Variants in CD1D observed in about 807,000 individuals in gnomAD.
CD1D encodes the protein antigen-presenting glycoprotein CD1d.
In CD1D, 40 loss-of-function variants were observed where a neutral mutation model predicts 42.1. That is an observed-to-expected ratio of 0.95 (90% CI 0.74 to 1.24). The LOEUF (loss-of-function observed/expected upper bound fraction) is 1.24. Among genes scored for constraint, CD1D ranks in the 50% most tolerant of loss-of-function variants. The pLI, the probability that CD1D is intolerant of heterozygous loss-of-function variation, is 0.00. For synonymous variants in CD1D, 178 were observed against 171.8 expected (o/e 1.04, Z -0.28); for missense variants, 437 against 416.5 (o/e 1.05, Z -0.43).
rs984198280 is a variant in CD1D at position 158,184,849 on chromosome 1, C to A, written c.*699C>A. 1 of 152,114 alleles carries A rather than the reference C, an allele frequency of 6.6e-6. No individual in the cohort carries two copies. Among genetic ancestry groups the A allele is most frequent in the Non-Finnish European group, 1.5e-5 (1 of 68,042 alleles). 9.4% of individuals were successfully genotyped at this position (152,114 alleles called of 1,614,324 possible). ...AAAGTTAGGTTATAAGAAACAGAGG[C>A]GTCTCACATTTTTACTTGGTGTAAT... On this transcript the variant is annotated 3_prime_UTR_variant, in exon 6 of 6. Coordinates refer to ENST00000674085, the MANE Select transcript of CD1D (RefSeq NM_001371762.2).
At position 158,180,895 on chromosome 1, in the gene CD1D, G is replaced by C. The variant is rs1471896462; in HGVS notation, c.-207G>C. 9.0e-6 allele frequency: 4 copies of C among 442,520 alleles called. No homozygotes were observed. Among genetic ancestry groups the C allele is most frequent in the Non-Finnish European group, 1.6e-5 (4 of 251,458 alleles). The allele number at this position is 442,520 out of a possible 1,614,324, so 27.4% of individuals were successfully genotyped here. A position where few individuals can be genotyped will look rare whatever the true frequency, so the allele number is the denominator to read the frequency against. On this transcript the variant is annotated 5_prime_UTR_variant, in exon 1 of 6. Coordinates refer to ENST00000674085, the MANE Select transcript of CD1D (RefSeq NM_001371762.2). ...GGATTCCTGGGACCCCGACCTCTTTGCAGCTCGCACAGCTAAGGGCGAGGG... is the reference window on the plus strand; with the variant it reads ...GGATTCCTGGGACCCCGACCTCTTTCCAGCTCGCACAGCTAAGGGCGAGGG...
Position 158,185,403 on chromosome 1 carries a change from A to G in CD1D, c.*1253A>G, listed in dbSNP as rs147056190. ...GTGCGTGAAGATTCTGCTAGCTTCA[A>G]CATATCCCAAAGCACTTGGATATGC... On this transcript the variant is annotated 3_prime_UTR_variant, in exon 6 of 6. Transcript: ENST00000674085. 3.6e-4 allele frequency among the ~76,000 whole-genome samples: 55 copies of G among 152,294 alleles called. No homozygotes were observed. The highest frequency in any genetic ancestry group is 7.2e-4 in the Non-Finnish European group (49 of 68,006).
intron 2 of CD1D, 93 bp downstream of exon 2, chr1:158,181,814 T>G: frequency 6.7e-7 from 1 of 1,492,850 alleles, no homozygotes; most frequent in South Asian, 1.2e-5. Flanking sequence ...CCTGATGAGA[T>G]TCTCTGCTCT....
At position 158,181,099 on chromosome 1, in the gene CD1D, G is replaced by T; in HGVS notation, c.-3G>T. On this transcript the variant is annotated 5_prime_UTR_variant, in exon 1 of 6. Coordinates refer to ENST00000674085, the MANE Select transcript of CD1D (RefSeq NM_001371762.2). ...GCTCCGCGAGGTCCCCACGCCGGGCGATATGGGGTGCCTGCTGTTTCTGCT... is the reference window on the plus strand; with the variant it reads ...GCTCCGCGAGGTCCCCACGCCGGGCTATATGGGGTGCCTGCTGTTTCTGCT... 1.9e-6 allele frequency: 3 copies of T among 1,546,748 alleles called. No individual in the cohort carries two copies. The highest frequency in any genetic ancestry group is 2.6e-6 in the Non-Finnish European group (3 of 1,145,332).
Position 158,184,433 on chromosome 1 carries a change from C to T in CD1D, c.*283C>T, listed in dbSNP as rs988824297. ...AGGTGTGCAAACTTGTATCTGAAGA[C>T]CTACCAGGGACAAGCAGGTAAGAGC... is the stretch of plus-strand genomic sequence containing the variant. On this transcript the variant is annotated 3_prime_UTR_variant, in exon 6 of 6. Transcript: ENST00000674085. 1 of 506,222 alleles carries T rather than the reference C, an allele frequency of 2.0e-6. No homozygotes were observed. Among genetic ancestry groups the T allele is most frequent in the African/African-American group, 1.9e-5 (1 of 51,908 alleles). 31.4% of individuals were successfully genotyped at this position (506,222 alleles called of 1,614,324 possible).
rs963143790 is a variant in CD1D, at chr1:158,180,932, A to G, written c.-170A>G. 1.9e-5 allele frequency: 10 copies of G among 535,356 alleles called. No individual in the cohort carries two copies. The highest frequency in any genetic ancestry group is 3.1e-5 in the Non-Finnish European group (10 of 321,102). The allele number at this position is 535,356 out of a possible 1,614,324, so 33.2% of individuals were successfully genotyped here. The stretch of plus-strand genomic sequence containing the variant: ...GCTAAGGGCGAGGGCGCCCTTCGGC[A>G]GAAGCAGCAAACCGCCGGCAAGCCC... On this transcript the variant is annotated 5_prime_UTR_variant, in exon 1 of 6. Transcript: ENST00000674085.
At chr1:158,182,544 C>T (rs1392955007) in intron 3 of CD1D, 1 of 607,276 alleles carries the variant, frequency 1.6e-6, no homozygotes, top group African/African-American at 1.9e-5. Flanking sequence ...AGTTAGGATC[C>T]CTGCTTGGTA....
At position 158,186,119 on chromosome 1, in the gene CD1D, A is replaced by G. The variant is rs1308733865; in HGVS notation, c.*1969A>G. Among the ~76,000 whole-genome samples the G allele has an allele frequency of 1.3e-5, 2 of 152,162 alleles. No homozygotes were observed. The highest frequency in any genetic ancestry group is 1.5e-5 in the Non-Finnish European group (1 of 68,040). ...CCTCCTGTGCCAAAGGAGGATAATA[A>G]TTATCTATTATTGATTATCTCCTAG... is the stretch of plus-strand genomic sequence containing the variant. On this transcript the variant is annotated 3_prime_UTR_variant, in exon 6 of 6. Coordinates refer to ENST00000674085, the MANE Select transcript of CD1D (RefSeq NM_001371762.2).
In CD1D at chr1:158,182,272, G is replaced by A. The variant is rs747224165; in HGVS notation, c.569G>A (p.Gly190Asp). The A allele has an allele frequency of 1.2e-6, 2 of 1,614,120 alleles. No homozygotes were observed. Among genetic ancestry groups the A allele is most frequent in the Non-Finnish European group, 1.7e-6 (2 of 1,180,010 alleles). Residue 190 changes from glycine (G) to aspartate (D), a missense_variant, in exon 3 of 6, where the codon GGC (glycine) becomes GAC (aspartate). Coordinates refer to ENST00000674085, the MANE Select transcript of CD1D (RefSeq NM_001371762.2). ...LNGTCPQFVS[G>D]LLESGKSELK... Reference sequence around the variant, plus strand: ...GGCACCTGCCCCCAATTTGTCAGTGGCCTCCTTGAGTCAGGGAAGTCGGAA... The same window carrying A: ...GGCACCTGCCCCCAATTTGTCAGTGACCTCCTTGAGTCAGGGAAGTCGGAA...
chr1:158,184,149 G>A lies in CD1D; in HGVS notation c.1007G>A (p.Ter336=), dbSNP rs1201537414. 1 of 1,614,044 alleles carries A rather than the reference G, an allele frequency of 6.2e-7. No individual in the cohort carries two copies. Among genetic ancestry groups the A allele is most frequent in the South Asian group, 1.1e-5 (1 of 91,072 alleles). ...KRQTSYQGVL[*] is the part of the protein sequence containing the mutation. Reference sequence around the variant, plus strand: ...CACAGTTCCTATCAGGGCGTCCTGTGACTCGCCTTGCCACATCTGTGTCTC... The same window carrying A: ...CACAGTTCCTATCAGGGCGTCCTGTAACTCGCCTTGCCACATCTGTGTCTC... Residue 336 remains the stop codon, a stop_retained_variant, in exon 6 of 6, where the codon TGA becomes TAA. Transcript: ENST00000674085.
At chr1:158,180,111 G>A (rs1363310635), upstream of CD1D, 1 of 152,232 alleles carries the variant, frequency 6.6e-6, no homozygotes, top group Non-Finnish European at 1.5e-5. Context: ...AGAGGGAGGT[G>A]TCAGGCTGCA....
In CD1D at chr1:158,185,995, A is replaced by C. The variant is rs551478951; in HGVS notation, c.*1845A>C. On this transcript the variant is annotated 3_prime_UTR_variant, in exon 6 of 6. Coordinates refer to ENST00000674085, the MANE Select transcript of CD1D (RefSeq NM_001371762.2). ...TAGTCAGGGAAGGCGTCCTGGAGGG[A>C]GGGGAATTTGAAGCAGAGCTTTGAA... Among the ~76,000 whole-genome samples the C allele has an allele frequency of 1.8e-4, 28 of 152,286 alleles. No individual in the cohort carries two copies. Among genetic ancestry groups the C allele is most frequent in the Admixed American group, 1.1e-3 (17 of 15,308 alleles).
At chr1:158,183,882 T>G in intron 4 of CD1D, 54 bp from the exon 5 acceptor site, 2 of 1,351,464 alleles carry the variant, frequency 1.5e-6, no homozygotes, top group South Asian at 1.2e-5. Context: ...GGGGATTGGA[T>G]ATATGTAGAG....
chr1:158,182,342 A>T, intron 3 of CD1D, 32 bp downstream of exon 3: 9 of 1,613,008 alleles, frequency 5.6e-6, no homozygotes, highest in Non-Finnish European at 7.6e-6. Flanking sequence ...CCTGCATTCC[A>T]CTTCAGGGCT....
intron 1 of CD1D, 124 bp downstream of exon 1, chr1:158,181,286 G>A (rs1197841997): frequency 1.4e-6 from 2 of 1,430,266 alleles, no homozygotes; most frequent in Non-Finnish European, 1.9e-6. Context: ...CGCGATCTAG[G>A]TAGAAAACTC....
chr1:158,183,667 T>A (rs1648566915), intron 4 of CD1D, among the ~76,000 whole-genome samples: 1 of 152,244 alleles, frequency 6.6e-6, no homozygotes, highest in South Asian at 2.1e-4. Context: ...GTGGACGGGC[T>A]GGATTTAGAT....
rs1322417416 is a variant in CD1D at position 158,185,451 on chromosome 1, G to A, written c.*1301G>A. ...TGCCTATAATCCAAGTGCTTTGGGAGGCTGAGATAGGAGGATTGTTTAAGG... is the reference window on the plus strand; with the variant it reads ...TGCCTATAATCCAAGTGCTTTGGGAAGCTGAGATAGGAGGATTGTTTAAGG... On this transcript the variant is annotated 3_prime_UTR_variant, in exon 6 of 6. Coordinates refer to ENST00000674085, the MANE Select transcript of CD1D (RefSeq NM_001371762.2). 1.3e-5 allele frequency among the ~76,000 whole-genome samples: 2 copies of A among 152,126 alleles called. No individual in the cohort carries two copies. The highest frequency in any genetic ancestry group is 6.5e-5 in the Admixed American group (1 of 15,286).
In CD1D at chr1:158,183,157, G is replaced by A. The variant is rs904013914; in HGVS notation, c.886+1G>A. 6.3e-7 allele frequency: 1 copy of A among 1,591,800 alleles called. No homozygotes were observed. The highest frequency in any genetic ancestry group is 8.6e-7 in the Non-Finnish European group (1 of 1,165,412). On this transcript the variant is annotated splice_donor_variant, in intron 4 of 5. Coordinates refer to ENST00000674085, the MANE Select transcript of CD1D (RefSeq NM_001371762.2). LOFTEE classifies it high-confidence loss of function. ...GGCCAGGACATCGTCCTCTACTGGG[G>A]TGAGAAAAAGCTGGGCCCAAGCTGG...
rs1648630780 is a variant in CD1D at position 158,184,646 on chromosome 1, T to G, written c.*496T>G. 6.1e-6 allele frequency: 1 copy of G among 165,206 alleles called. No homozygotes were observed. The highest frequency in any genetic ancestry group is 2.4e-5 in the African/African-American group (1 of 41,548). The allele number at this position is 165,206 out of a possible 1,614,324, so 10.2% of individuals were successfully genotyped here. On this transcript the variant is annotated 3_prime_UTR_variant, in exon 6 of 6. Transcript: ENST00000674085. Reference sequence around the variant, plus strand: ...CTGATTTTAAAAGGTTGACTCAAGTTTTTACAAAATACTATGTGGGACACC... The same window carrying G: ...CTGATTTTAAAAGGTTGACTCAAGTGTTTACAAAATACTATGTGGGACACC...
Sources: gnomAD v4.1 joint callset for allele counts (sites outside exome capture counted in the v4.1 genomes callset) on GRCh38, gnomAD v4.1.1 for gene constraint, MANE v1.5 for transcripts, NCBI Gene and HGNC (gene_info 2026-07-23, HGNC 2026-07-21) for gene names.